Variants in TOP2B observed in about 807,000 individuals in gnomAD.
TOP2B encodes DNA topoisomerase II beta.
Under a neutral mutation model 193.5 loss-of-function variants are expected in TOP2B, and 51 were observed. The observed-to-expected ratio is 0.26, with a 90% CI of 0.21 to 0.33. The LOEUF (loss-of-function observed/expected upper bound fraction) is 0.33, where lower values mean the gene tolerates loss of function less well. TOP2B is among the 10% of genes least tolerant of loss of function. The pLI, the probability that TOP2B is intolerant of heterozygous loss-of-function variation, is 1.00. For synonymous variants in TOP2B, 634 were observed against 635.7 expected (o/e 1.00, Z 0.04); for missense variants, 1,378 against 1,909.3 (o/e 0.72, Z 5.19).
chr3:25,658,347 T>G (rs1703814247), intron 1 of TOP2B, among the ~76,000 whole-genome samples: 1 of 151,978 alleles, frequency 6.6e-6, no homozygotes, highest in African/African-American at 2.4e-5. Flanking sequence ...TTTCCCTGCC[T>G]TAATTTATGT....
Position 25,645,104 on chromosome 3 carries a change from T to A in TOP2B, c.240+196A>T, listed in dbSNP as rs1703378605. 2.0e-5 allele frequency among the ~76,000 whole-genome samples: 3 copies of A among 152,104 alleles called. No homozygotes were observed. In the South Asian group the frequency reaches 6.2e-4, roughly 32 times the overall value. Reference sequence around the variant, plus strand: ...GGATTACAGGTGTGAGCCACTGCGCTCAGCCTCTTCTGACGGTTTTTAATC... The same window carrying A: ...GGATTACAGGTGTGAGCCACTGCGCACAGCCTCTTCTGACGGTTTTTAATC... On this transcript the variant is annotated intron_variant, in intron 2 of 35. Transcript: ENST00000264331.
intron 8 of TOP2B, among the ~76,000 whole-genome samples, chr3:25,633,329 C>G (rs1237800053): frequency 6.6e-6 from 1 of 152,076 alleles, no homozygotes; most frequent in Non-Finnish European, 1.5e-5. Context: ...GCAATAATAG[C>G]CAAATGGAAG....
In TOP2B at chr3:25,633,982, A is replaced by G; in HGVS notation, c.885T>C (p.Tyr295=). 1 of 1,612,034 alleles carries G rather than the reference A, an allele frequency of 6.2e-7. No individual in the cohort carries two copies. Among genetic ancestry groups the G allele is most frequent in the Non-Finnish European group, 8.5e-7 (1 of 1,179,078 alleles). Residue 295 remains tyrosine, a synonymous_variant, in exon 8 of 36, where the codon TAT becomes TAC. Transcript: ENST00000264331. ...CAGTTTCATCCAATTTGTCTTTCAC[A>G]TAAAGATCTACATAACTGCGAAATC... ...VNGFRSYVDL[Y]VKDKLDETGV...
chr3:25,613,261 T>G (rs1702423332), intron 27 of TOP2B, among the ~76,000 whole-genome samples: 1 of 152,178 alleles, frequency 6.6e-6, no homozygotes, highest in African/African-American at 2.4e-5. Context: ...GATTTTGCAT[T>G]TACCAGAATT....
At chr3:25,616,043 C>G (rs1702495711) in intron 25 of TOP2B, 1 of 151,866 alleles carries the variant, frequency 6.6e-6, no homozygotes, top group South Asian at 2.1e-4. Context: ...TACATTCACT[C>G]GCTGAGGGTG....
chr3:25,652,628 T>C (rs1410683729), intron 1 of TOP2B, among the ~76,000 whole-genome samples: 1 of 151,906 alleles, frequency 6.6e-6, no homozygotes, highest in African/African-American at 2.4e-5. Context: ...AGGAGACAAA[T>C]GAAAACCAAA....
At chr3:25,610,865 A>C (rs995515555) in intron 28 of TOP2B, among the ~76,000 whole-genome samples, 3 of 152,220 alleles carry the variant, frequency 2.0e-5, no homozygotes, top group African/African-American at 4.8e-5. Context: ...CAAAATTCTA[A>C]GGCAATGTCA....
At chr3:25,600,301 C>T (rs1702056649) in intron 34 of TOP2B, among the ~76,000 whole-genome samples, 1 of 152,188 alleles carries the variant, frequency 6.6e-6, no homozygotes, top group Non-Finnish European at 1.5e-5. Context: ...GACAGCTAGA[C>T]TGGACAAGTA....
chr3:25,636,688 G>A (rs904133312), intron 6 of TOP2B, among the ~76,000 whole-genome samples: 42 of 151,880 alleles, frequency 2.8e-4, no homozygotes, highest in South Asian at 2.1e-4. Flanking sequence ...ATTCTTCAAC[G>A]TGACTATATA....
chr3:25,639,471 C>T (rs1481344568), intron 4 of TOP2B, among the ~76,000 whole-genome samples: 1 of 152,174 alleles, frequency 6.6e-6, no homozygotes, highest in Non-Finnish European at 1.5e-5. Flanking sequence ...CCACGACTGG[C>T]TAATTTTTGT....
At chr3:25,658,189 A>G (rs1703809833) in intron 1 of TOP2B, among the ~76,000 whole-genome samples, 1 of 151,832 alleles carries the variant, frequency 6.6e-6, no homozygotes, top group Admixed American at 6.6e-5. Flanking sequence ...AGACAGCGCC[A>G]CTGCACCCCA....
chr3:25,627,442 A>G (rs1702834466), intron 15 of TOP2B, 146 bp from the exon 16 acceptor site: 2 of 465,296 alleles, frequency 4.3e-6, no homozygotes, highest in Non-Finnish European at 7.7e-6. Context: ...GCAACTAAAG[A>G]CAAAGTAGAC....
chr3:25,658,179 A>C (rs985461789), intron 1 of TOP2B, among the ~76,000 whole-genome samples: 5 of 151,806 alleles, frequency 3.3e-5, no homozygotes, highest in African/African-American at 1.2e-4. Flanking sequence ...CAGTGAGTCG[A>C]GACAGCGCCA....
At chr3:25,649,727 C>G (rs1186922279) in intron 1 of TOP2B, among the ~76,000 whole-genome samples, 1 of 151,762 alleles carries the variant, frequency 6.6e-6, no homozygotes, top group Non-Finnish European at 1.5e-5. Flanking sequence ...TTCATCACCA[C>G]TAGGTTTGCC....
intron 1 of TOP2B, among the ~76,000 whole-genome samples, chr3:25,648,076 A>G (rs1241973395): frequency 6.6e-6 from 1 of 152,234 alleles, no homozygotes; most frequent in Non-Finnish European, 1.5e-5. Flanking sequence ...GGAGGAGCAG[A>G]AAAGGAATAT....
chr3:25,615,437 ATC>A lies in TOP2B; in HGVS notation c.3499_3500del (p.Asp1167CysfsTer8). 1 of 1,551,102 alleles carries A rather than the reference ATC, an allele frequency of 6.4e-7. No individual in the cohort carries two copies. ...EKVEELIKQR[D>X]AKGREVNDLK... ...AACCCACAAAAGTTCATACTTTTGC[ATC>A]TCTCTGTTTAATCAGTTCTTCAACT... On this transcript the variant is annotated frameshift_variant, in exon 26 of 36. Transcript: ENST00000264331. LOFTEE classifies it high-confidence loss of function.
Position 25,598,292 on chromosome 3 carries a change from G to A in TOP2B, c.*15C>T. 1 of 1,588,022 alleles carries A rather than the reference G, an allele frequency of 6.3e-7. No homozygotes were observed. Among genetic ancestry groups the A allele is most frequent in the Non-Finnish European group, 8.6e-7 (1 of 1,164,082 alleles). Reference sequence around the variant, plus strand: ...ACAAGATATTTGTTGAAAAATGTTTGTGCTCTTTGGGCACTTAATTAAACA... The same window carrying A: ...ACAAGATATTTGTTGAAAAATGTTTATGCTCTTTGGGCACTTAATTAAACA... On this transcript the variant is annotated 3_prime_UTR_variant, in exon 36 of 36. Coordinates refer to ENST00000264331, the MANE Select transcript of TOP2B (RefSeq NM_001330700.2).
intron 33 of TOP2B, among the ~76,000 whole-genome samples, chr3:25,602,578 C>G (rs1485031004): frequency 6.6e-6 from 1 of 151,754 alleles, no homozygotes; most frequent in Non-Finnish European, 1.5e-5. Context: ...TAAGGCCCCT[C>G]GTTAGCCAAG....
At chr3:25,659,400 A>T (rs946122730) in intron 1 of TOP2B, among the ~76,000 whole-genome samples, 3 of 152,256 alleles carry the variant, frequency 2.0e-5, no homozygotes, top group Admixed American at 2.0e-4. Flanking sequence ...AATAAAGGGA[A>T]TGAAAATACT....
Sources: allele counts gnomAD v4.1 joint callset (sites outside exome capture counted in the v4.1 genomes callset), GRCh38; gene constraint gnomAD v4.1.1; transcripts MANE v1.5; gene names NCBI Gene and HGNC (gene_info 2026-07-23, HGNC 2026-07-21).